PALM2AKAP2: variants seen among roughly 807,000 people sequenced by gnomAD.
PALM2AKAP2 encodes PALM2 and AKAP2 fusion.
PALM2AKAP2 carries 37 observed loss-of-function variants against 71.5 expected under a neutral mutation model. The observed-to-expected ratio is 0.52, with a 90% CI of 0.40 to 0.68. The LOEUF is 0.68. PALM2AKAP2 is among the 30% of genes least tolerant of loss of function. The pLI, the probability that PALM2AKAP2 is intolerant of heterozygous loss-of-function variation, is 0.00. For synonymous variants in PALM2AKAP2, 468 were observed against 478.8 expected (o/e 0.98, Z 0.29); for missense variants, 1,224 against 1,191.8 (o/e 1.03, Z -0.40).
intron 5 of PALM2AKAP2, among the ~76,000 whole-genome samples, chr9:109,926,690 CT>C (rs1162339074): frequency 6.6e-6 from 1 of 151,598 alleles, no homozygotes; most frequent in Non-Finnish European, 1.5e-5. Flanking sequence ...TATGCTTTCA[CT>C]TTTTTTTTCC....
intron 1 of PALM2AKAP2, among the ~76,000 whole-genome samples, chr9:110,117,070 T>C (rs2118978827): frequency 6.6e-6 from 1 of 152,338 alleles, no homozygotes; most frequent in Middle Eastern, 3.4e-3. Flanking sequence ...ACAATACTAA[T>C]ACATGCTCAG....
rs184302618 is a variant in PALM2AKAP2 at position 109,904,318 on chromosome 9, G to A, written c.258-19417G>A. Among the ~76,000 whole-genome samples the A allele has an allele frequency of 2.6e-5, 4 of 152,238 alleles. No homozygotes were observed. The East Asian group carries it at 7.7e-4, about 29-fold the overall frequency. ...CTGTCAATTTTCTTACCTATAACAT[G>A]GGAATAAAATAATCCCTAATTGCTG... On this transcript the variant is annotated intron_variant, in intron 3 of 9. Coordinates refer to the PALM2AKAP2 transcript ENST00000302798.
intron 1 of PALM2AKAP2, among the ~76,000 whole-genome samples, chr9:109,770,156 A>C (rs1829236254): frequency 1.3e-5 from 2 of 152,072 alleles, no homozygotes; most frequent in South Asian, 4.2e-4. Context: ...AGTTGGCCAG[A>C]CTTCTTGTGC....
intron 6 of PALM2AKAP2, among the ~76,000 whole-genome samples, chr9:110,002,022 A>G (rs1022282421): frequency 6.6e-6 from 1 of 152,092 alleles, no homozygotes; most frequent in Non-Finnish European, 1.5e-5. Flanking sequence ...CTCCTTCCTG[A>G]TTGCCCTGGC....
At chr9:110,028,568 G>T (rs1250152337) in intron 7 of PALM2AKAP2, among the ~76,000 whole-genome samples, 1 of 152,168 alleles carries the variant, frequency 6.6e-6, no homozygotes, top group East Asian at 1.9e-4. Context: ...AGATCTCAAA[G>T]TGAGTGTGTG....
In PALM2AKAP2 at chr9:109,972,071, G is replaced by A. The variant is rs151327035; in HGVS notation, c.496+40043G>A. 1.5e-4 allele frequency among the ~76,000 whole-genome samples: 23 copies of A among 152,296 alleles called. No individual in the cohort carries two copies. In the East Asian group the frequency reaches 4.4e-3, roughly 29 times the overall value. On this transcript the variant is annotated intron_variant, in intron 6 of 9. Transcript: ENST00000302798. ...GACCTTGTAATCAAGTTCATTGTTT[G>A]CACATCTGTCCCTTTACTAAGGTGG...
chr9:110,121,320 C>T lies in PALM2AKAP2; in HGVS notation c.157-14807C>T, dbSNP rs573268646. Reference sequence around the variant, plus strand: ...GCTGAGATGTAGGGTCTTTTGGTGACGGGGCTTGGAGGAGGAACCTACCTG... The same window carrying T: ...GCTGAGATGTAGGGTCTTTTGGTGATGGGGCTTGGAGGAGGAACCTACCTG... On this transcript the variant is annotated intron_variant, in intron 1 of 3. Transcript: ENST00000374525. Among the ~76,000 whole-genome samples, 302 of 152,184 alleles carry T rather than the reference C, an allele frequency of 2.0e-3. 1 individual carries two copies. The highest frequency in any genetic ancestry group is 3.8e-3 in the Non-Finnish European group (257 of 68,006).
chr9:109,652,737 G>A (rs1827243753), intron 1 of PALM2AKAP2, among the ~76,000 whole-genome samples: 1 of 152,074 alleles, frequency 6.6e-6, no homozygotes, highest in African/African-American at 2.4e-5. Context: ...GGTATCTGTG[G>A]TACAAATAGG....
At chr9:109,864,255 G>A (rs1279364431) in intron 1 of PALM2AKAP2, among the ~76,000 whole-genome samples, 1 of 152,130 alleles carries the variant, frequency 6.6e-6, no homozygotes, top group Admixed American at 6.5e-5. Flanking sequence ...AACCCAATAA[G>A]GAGTTTCCTC....
chr9:109,794,837 C>T (rs1410435111), intron 1 of PALM2AKAP2, among the ~76,000 whole-genome samples: 2 of 152,218 alleles, frequency 1.3e-5, no homozygotes, highest in Admixed American at 6.5e-5. Flanking sequence ...ATAGCAGAGC[C>T]ATAATTGTGA....
chr9:110,000,962 C>T (rs950392458), intron 6 of PALM2AKAP2, among the ~76,000 whole-genome samples: 53 of 152,096 alleles, frequency 3.5e-4, no homozygotes, highest in Admixed American at 3.1e-3. Context: ...ATTCTATAGG[C>T]TGCCTGTTCA....
At chr9:109,772,828 G>T (rs1173346638) in intron 1 of PALM2AKAP2, among the ~76,000 whole-genome samples, 2 of 152,332 alleles carry the variant, frequency 1.3e-5, no homozygotes, top group East Asian at 3.9e-4. Flanking sequence ...ATAGAATGTT[G>T]CAAGGTCGGG....
intron 1 of PALM2AKAP2, among the ~76,000 whole-genome samples, chr9:110,104,414 T>C (rs1194572865): frequency 6.6e-6 from 1 of 152,162 alleles, no homozygotes; most frequent in Non-Finnish European, 1.5e-5. Flanking sequence ...TACATACTCA[T>C]GGTAAAAACA....
At chr9:109,983,603 G>A (rs1832318047) in intron 6 of PALM2AKAP2, among the ~76,000 whole-genome samples, 1 of 152,118 alleles carries the variant, frequency 6.6e-6, no homozygotes, top group African/African-American at 2.4e-5. Context: ...GCGGTCTCAT[G>A]CCTTCAATCC....
At chr9:110,068,379 A>C (rs533448806) in intron 1 of PALM2AKAP2, among the ~76,000 whole-genome samples, 1 of 149,714 alleles carries the variant, frequency 6.7e-6, no homozygotes, top group Non-Finnish European at 1.5e-5. Context: ...GGGAATGACA[A>C]TGGATTTGGT....
chr9:109,822,261 A>G (rs1437934803), intron 1 of PALM2AKAP2, among the ~76,000 whole-genome samples: 3 of 117,788 alleles, frequency 2.5e-5, no homozygotes, highest in South Asian at 2.9e-4. Flanking sequence ...CATCTTCCCC[A>G]TCCATCTATC....
intron 1 of PALM2AKAP2, among the ~76,000 whole-genome samples, chr9:109,697,618 T>G (rs895704127): frequency 2.6e-5 from 4 of 152,208 alleles, no homozygotes; most frequent in Non-Finnish European, 2.9e-5. Flanking sequence ...ATATTTCTTC[T>G]GCCCTTAGGA....
intron 1 of PALM2AKAP2, among the ~76,000 whole-genome samples, chr9:109,695,615 AG>A (rs1238218643): frequency 6.6e-6 from 1 of 152,160 alleles, no homozygotes; most frequent in Non-Finnish European, 1.5e-5. Flanking sequence ...ATGTCTATTC[AG>A]GTTTTCCCAC....
intron 1 of PALM2AKAP2, among the ~76,000 whole-genome samples, chr9:109,699,306 C>A (rs535292784): frequency 2.6e-5 from 4 of 152,258 alleles, no homozygotes; most frequent in African/African-American, 7.2e-5. Flanking sequence ...TTTTCTGATG[C>A]CTGTCTGGTG....
Sources: gnomAD v4.1 joint callset for allele counts (sites outside exome capture counted in the v4.1 genomes callset) on GRCh38, gnomAD v4.1.1 for gene constraint, MANE v1.5 for transcripts, NCBI Gene and HGNC (gene_info 2026-07-23, HGNC 2026-07-21) for gene names.